The following JAKMIP3 variants were observed in gnomAD, a reference collection of about 807,000 sequenced individuals.
The protein encoded by JAKMIP3 is janus kinase and microtubule-interacting protein 3.
In JAKMIP3, 58 loss-of-function variants were observed where a neutral mutation model predicts 118.5. That is an observed-to-expected ratio of 0.49 (90% CI 0.40 to 0.61). The LOEUF (loss-of-function observed/expected upper bound fraction) is 0.61. Ranked by LOEUF, JAKMIP3 falls within the 20% of genes least tolerant of loss-of-function variation. The probability of loss-of-function intolerance (pLI) is 0.00; values close to 1 mark genes in which losing one functional copy is unlikely to be tolerated. For synonymous variants in JAKMIP3, 486 were observed against 451.2 expected (o/e 1.08, Z -0.98); for missense variants, 950 against 1,109.0 (o/e 0.86, Z 2.04).
At position 132,138,049 on chromosome 10, in the gene JAKMIP3, A is replaced by G; in HGVS notation, c.1285-70A>G. 17 of 1,401,094 alleles carry G rather than the reference A, an allele frequency of 1.2e-5. No individual in the cohort carries two copies. In the South Asian group the frequency reaches 2.1e-4, roughly 17 times the overall value. The allele number at this position is 1,401,094 out of a possible 1,614,324, so 86.8% of individuals were successfully genotyped here. ...GTCATCCAAATGATGGCACACGGGCAGTAAACCGTGGACTGAAACCGGTGG... is the reference window on the plus strand; with the variant it reads ...GTCATCCAAATGATGGCACACGGGCGGTAAACCGTGGACTGAAACCGGTGG... On this transcript the variant is annotated intron_variant, in intron 8 of 23. Transcript: ENST00000684848.
At chr10:132,059,750 G>A (rs2038341666), upstream of JAKMIP3, among the ~76,000 whole-genome samples, 1 of 152,248 alleles carries the variant, frequency 6.6e-6, no homozygotes, top group African/African-American at 2.4e-5. Flanking sequence ...GGGGGCTGGT[G>A]CCAGGGCATC....
intron 21 of JAKMIP3, among the ~76,000 whole-genome samples, chr10:132,165,342 G>A (rs946892016): frequency 1.3e-5 from 2 of 152,206 alleles, no homozygotes; most frequent in African/African-American, 4.8e-5. Context: ...GGGGTTGCCT[G>A]CAGGCGTTCA....
Position 132,145,490 on chromosome 10 carries a change from CTT to C in JAKMIP3, c.1687-26_1687-25del. 4 of 1,545,138 alleles carry C rather than the reference CTT, an allele frequency of 2.6e-6. No individual in the cohort carries two copies. The East Asian group carries it at 7.3e-5, about 28-fold the overall frequency. ...GGTTTATGAGTTCCTCCCTCAGTGT[CTT>C]TATTTCTTTCAATTCCATTTGCAAG... On this transcript the variant is annotated intron_variant, in intron 12 of 23. Coordinates refer to ENST00000684848, the MANE Select transcript of JAKMIP3 (RefSeq NM_001323087.2).
chr10:132,078,136 G>T (rs2041131759), intron 1 of JAKMIP3, among the ~76,000 whole-genome samples: 1 of 152,098 alleles, frequency 6.6e-6, no homozygotes, highest in Non-Finnish European at 1.5e-5. Context: ...AAAGACTTTT[G>T]TTACCTTGTT....
intron 23 of JAKMIP3, among the ~76,000 whole-genome samples, chr10:132,178,717 T>G (rs937327030): frequency 4.6e-5 from 7 of 152,224 alleles, no homozygotes; most frequent in African/African-American, 1.7e-4. Context: ...ACTGAGGCTG[T>G]AGGTCCCGAG....
At chr10:132,051,479 C>T (rs997172988) in intron 1 of JAKMIP3, among the ~76,000 whole-genome samples, 17 of 152,290 alleles carry the variant, frequency 1.1e-4, no homozygotes, top group African/African-American at 2.9e-4. Context: ...CCTGCCTGCT[C>T]ATGATTCTGG....
At chr10:132,055,583 G>A (rs2038215670) in intron 1 of JAKMIP3, among the ~76,000 whole-genome samples, 1 of 152,240 alleles carries the variant, frequency 6.6e-6, no homozygotes, top group Non-Finnish European at 1.5e-5. Flanking sequence ...ATGGATGTGT[G>A]TGCGCAGTTT....
chr10:132,059,047 G>A (rs1175784816), intron 1 of JAKMIP3, among the ~76,000 whole-genome samples: 1 of 152,242 alleles, frequency 6.6e-6, no homozygotes, highest in Non-Finnish European at 1.5e-5. Context: ...CCCGGCTTGT[G>A]TCTGTCTGAC....
At chr10:132,136,318 C>T (rs1236428742) in intron 6 of JAKMIP3, among the ~76,000 whole-genome samples, 1 of 152,226 alleles carries the variant, frequency 6.6e-6, no homozygotes, top group African/African-American at 2.4e-5. Context: ...GTCCCCTCCC[C>T]AGGCCTGTTT....
intron 1 of JAKMIP3, among the ~76,000 whole-genome samples, chr10:132,095,116 G>A (rs2043672576): frequency 6.6e-6 from 1 of 152,176 alleles, no homozygotes; most frequent in African/African-American, 2.4e-5. Flanking sequence ...CCAGGCAGTG[G>A]GCCAGCAGGG....
At chr10:132,127,453 C>T (rs1417256266) in intron 3 of JAKMIP3, among the ~76,000 whole-genome samples, 7 of 151,742 alleles carry the variant, frequency 4.6e-5, no homozygotes, top group African/African-American at 1.7e-4. Flanking sequence ...CGGGGTTTCA[C>T]CATGTTGGCC....
intron 1 of JAKMIP3, among the ~76,000 whole-genome samples, chr10:132,040,659 A>ATT (rs34862839): frequency 3.4e-4 from 46 of 134,524 alleles, no homozygotes; most frequent in Non-Finnish European, 5.2e-4. Context: ...TTTCATTTTC[A>ATT]TTTTTTTTTT....
rs1207421601 is a variant in JAKMIP3 at position 132,118,457 on chromosome 10, T to C, written c.633+883T>C. Among the ~76,000 whole-genome samples the C allele has an allele frequency of 6.6e-6, 1 of 152,058 alleles. No homozygotes were observed. Among genetic ancestry groups the C allele is most frequent in the Non-Finnish European group, 1.5e-5 (1 of 67,992 alleles). On this transcript the variant is annotated intron_variant, in intron 3 of 23. Coordinates refer to ENST00000684848, the MANE Select transcript of JAKMIP3 (RefSeq NM_001323087.2). The surrounding 1 kb of genome is among the most constrained non-coding windows in gnomAD (Gnocchi z 4.8). Reference sequence around the variant, plus strand: ...GACCCGGAGCCCCGGGCACCTTGGGTGGGATGCAGTGGTCTTTCCACGGGG... The same window carrying C: ...GACCCGGAGCCCCGGGCACCTTGGGCGGGATGCAGTGGTCTTTCCACGGGG...
intron 1 of JAKMIP3, among the ~76,000 whole-genome samples, chr10:132,080,084 G>T (rs190221696): frequency 2.4e-4 from 37 of 152,314 alleles, no homozygotes; most frequent in African/African-American, 4.8e-4. Flanking sequence ...GGAGGCTGAC[G>T]CAGGATAATT....
rs1366868052 is a variant in JAKMIP3, at chr10:132,159,591, G to T, written c.2221-3618G>T. Reference sequence around the variant, plus strand: ...GGGCGTGTCTCCCTGTGTGATGCTGGGGGCATGTCTTCCTATGTGATGCTG... The same window carrying T: ...GGGCGTGTCTCCCTGTGTGATGCTGTGGGCATGTCTTCCTATGTGATGCTG... On this transcript the variant is annotated intron_variant, in intron 19 of 23. Coordinates refer to ENST00000684848, the MANE Select transcript of JAKMIP3 (RefSeq NM_001323087.2). Among the ~76,000 whole-genome samples, 3 of 131,464 alleles carry T rather than the reference G, an allele frequency of 2.3e-5. No homozygotes were observed. In the East Asian group the frequency reaches 7.5e-4, roughly 33 times the overall value. 86.2% of individuals were successfully genotyped at this position (131,464 alleles called of 152,430 possible). A position where few individuals can be genotyped will look rare whatever the true frequency, so the allele number is the denominator to read the frequency against.
At chr10:132,126,414 T>C (rs1456168781) in intron 3 of JAKMIP3, among the ~76,000 whole-genome samples, 3 of 151,908 alleles carry the variant, frequency 2.0e-5, no homozygotes, top group African/African-American at 7.3e-5. Context: ...GTGATCCTCC[T>C]ACCTCAGCCT....
rs1336067360 is a variant in JAKMIP3 at position 132,168,345 on chromosome 10, C to T, written c.*415C>T. On this transcript the variant is annotated 3_prime_UTR_variant, in exon 23 of 24. Transcript: ENST00000684848. The stretch of plus-strand genomic sequence containing the variant: ...CTCTCTTGGTTCTCACAGTAGCTGC[C>T]ACTGGTGTCTGGAGGAAGATTTTCA... The T allele has an allele frequency of 3.3e-5, 43 of 1,289,434 alleles. No homozygotes were observed. Among genetic ancestry groups the T allele is most frequent in the Non-Finnish European group, 4.3e-5 (43 of 988,828 alleles). 79.9% of individuals were successfully genotyped at this position (1,289,434 alleles called of 1,614,324 possible).
intron 1 of JAKMIP3, among the ~76,000 whole-genome samples, chr10:132,103,407 GGAGAGGAGCAGC>G (rs2045339854): frequency 1.0e-5 from 1 of 98,036 alleles, no homozygotes; most frequent in Non-Finnish European, 2.1e-5. Context: ...AGCACCTGGG[GGAGAGGAGCAGC>G]TGGAGGGGAG....
intron 1 of JAKMIP3, among the ~76,000 whole-genome samples, chr10:132,077,094 C>T (rs1039248657): frequency 6.6e-6 from 1 of 152,222 alleles, no homozygotes; most frequent in Non-Finnish European, 1.5e-5. Context: ...GAGTTTTCTG[C>T]TCTTCCCCAA....
Sources: allele counts gnomAD v4.1 joint callset (sites outside exome capture counted in the v4.1 genomes callset), GRCh38; gene constraint gnomAD v4.1.1; non-coding constraint Gnocchi (gnomAD v3.1); transcripts MANE v1.5; gene names NCBI Gene and HGNC (gene_info 2026-07-23, HGNC 2026-07-21).